The following THSD1 variants were observed in gnomAD, a reference collection of about 807,000 sequenced individuals.
The protein encoded by THSD1 is thrombospondin type 1 domain containing 1, also known as thrombospondin type-1 domain-containing protein 1.
A neutral mutation model predicts 46.3 loss-of-function variants in THSD1; 34 were observed. The ratio of observed to expected loss-of-function variants is 0.74; its 90% confidence interval spans 0.56 to 0.98. The LOEUF is 0.98. THSD1 is among the 50% of genes least tolerant of loss of function. The pLI is 0.00. For synonymous variants in THSD1, 407 were observed against 416.5 expected (o/e 0.98, Z 0.28); for missense variants, 1,023 against 1,058.3 (o/e 0.97, Z 0.46).
At position 52,397,516 on chromosome 13, in the gene THSD1, A is replaced by G. The variant is rs1305852323; in HGVS notation, c.737T>C (p.Met246Thr). ...LAQKFGYKLV[M>T]VPELTCESGV... is the part of the protein sequence containing the mutation. ...GGACTCACATGTGAGTTCTGGCACC[A>G]TCACCAGTTTGTATCCAAATTTCTG... Residue 246 changes from methionine (M) to threonine (T), a missense_variant, in exon 3 of 5, where the codon ATG (methionine) becomes ACG (threonine). By Grantham distance (81) the Met-to-Thr change is moderately conservative. Transcript: ENST00000258613. 4 of 1,614,022 alleles carry G rather than the reference A, an allele frequency of 2.5e-6. No homozygotes were observed. Among genetic ancestry groups the G allele is most frequent in the Non-Finnish European group, 3.4e-6 (4 of 1,180,040 alleles).
rs1957872908 is a variant in THSD1 at position 52,402,568 on chromosome 13, T to C, written c.33A>G (p.Leu11=). 1 of 1,613,944 alleles carries C rather than the reference T, an allele frequency of 6.2e-7. No homozygotes were observed. The highest frequency in any genetic ancestry group is 8.5e-7 in the Non-Finnish European group (1 of 1,179,888). MKPMLKDFSN[L]LLVVLCDYVL... ...CATAGTCACAGAGTACCACCAACAATAGATTTGAAAAGTCTTTCAACATTG... is the reference window on the plus strand; with the variant it reads ...CATAGTCACAGAGTACCACCAACAACAGATTTGAAAAGTCTTTCAACATTG... The change falls in exon 2 of 5, where the codon CTA becomes CTG. Residue 11 remains leucine (L), a synonymous_variant. Coordinates refer to ENST00000258613, the MANE Select transcript of THSD1 (RefSeq NM_018676.4).
chr13:52,378,602 G>A lies in THSD1; in HGVS notation c.1368C>T (p.Ser456=). The change falls in exon 5 of 5, where the codon TCC becomes TCT. Residue 456 remains serine, a synonymous_variant. Transcript: ENST00000258613. Reference sequence around the variant, plus strand: ...CGTCCGAGTTCTTCCGGAAGCTGGGGGAGTGGATGGAGTTGTGTCGAGCAG... The same window carrying A: ...CGTCCGAGTTCTTCCGGAAGCTGGGAGAGTGGATGGAGTTGTGTCGAGCAG... ...STPARHNSIH[S]PSFRKNSDEE... 1.2e-6 allele frequency: 2 copies of A among 1,614,164 alleles called. No homozygotes were observed. The highest frequency in any genetic ancestry group is 1.7e-6 in the Non-Finnish European group (2 of 1,180,036).
Position 52,397,768 on chromosome 13 carries a change from T to A in THSD1, c.485A>T (p.Lys162Met). Residue 162 changes from lysine to methionine, a missense_variant, in exon 3 of 5, where the codon AAG (lysine) becomes ATG (methionine). This residue lies in a region of THSD1 where 429 missense variants were observed against 518.3 expected (regional missense o/e 0.83). Coordinates refer to ENST00000258613, the MANE Select transcript of THSD1 (RefSeq NM_018676.4). The stretch of plus-strand genomic sequence containing the variant: ...GATGACATCCACTACGATGTTGGGC[T>A]TGTCCACAGGAAACGGGCACAGTGG... ...SQPLCPFPVD[K>M]PNIVVDVIFT... The A allele has an allele frequency of 6.2e-7, 1 of 1,614,262 alleles. No individual in the cohort carries two copies. Among genetic ancestry groups the A allele is most frequent in the Non-Finnish European group, 8.5e-7 (1 of 1,180,048 alleles).
At chr13:52,394,093 G>T (rs2137740255) in intron 3 of THSD1, among the ~76,000 whole-genome samples, 1 of 152,208 alleles carries the variant, frequency 6.6e-6, no homozygotes, top group Middle Eastern at 3.4e-3. Flanking sequence ...CTCCCGTTCT[G>T]CCCTTTTCCA....
chr13:52,384,360 C>A (rs946472614), intron 4 of THSD1: 9 of 455,748 alleles, frequency 2.0e-5, no homozygotes, highest in Non-Finnish European at 4.0e-5. Flanking sequence ...AATCCAGTGC[C>A]CCTACTTTCT....
chr13:52,379,006 G>T (rs1289576715), intron 4 of THSD1, among the ~76,000 whole-genome samples: 1 of 151,736 alleles, frequency 6.6e-6, no homozygotes, highest in Non-Finnish European at 1.5e-5. Context: ...GGGATTACAG[G>T]CATGCACCAC....
intron 3 of THSD1, 85 bp from the exon 4 acceptor site, chr13:52,386,271 A>G (rs1264654712): frequency 4.9e-6 from 7 of 1,430,702 alleles, no homozygotes; most frequent in Non-Finnish European, 6.7e-6. Flanking sequence ...GCAAAACTCA[A>G]ATCTCAGGTC....
chr13:52,400,688 G>A (rs1003052746), intron 2 of THSD1, among the ~76,000 whole-genome samples: 4 of 152,152 alleles, frequency 2.6e-5, no homozygotes, highest in Non-Finnish European at 4.4e-5. Context: ...GCTAAATTTT[G>A]ATCAGTATTA....
intron 3 of THSD1, among the ~76,000 whole-genome samples, chr13:52,390,154 A>AAC: frequency 6.6e-6 from 1 of 151,462 alleles, no homozygotes; most frequent in East Asian, 1.9e-4. Flanking sequence ...AAAAAAAAAA[A>AAC]GAATTATTTT....
At chr13:52,403,996 G>T (rs1452609209) in intron 1 of THSD1, among the ~76,000 whole-genome samples, 1 of 135,080 alleles carries the variant, frequency 7.4e-6, no homozygotes, top group East Asian at 2.1e-4. Context: ...CACCTAGCCT[G>T]GAGTGCAGTG....
chr13:52,377,545 A>C lies in THSD1; in HGVS notation c.2425T>G (p.Phe809Val). The C allele has an allele frequency of 6.2e-7, 1 of 1,601,330 alleles. No individual in the cohort carries two copies. The highest frequency in any genetic ancestry group is 2.2e-5 in the East Asian group (1 of 44,524). ...KCQSFPTHPE[F>V]AFYDNTSFGL... The stretch of plus-strand genomic sequence containing the variant: ...AACGACGTATTGTCATAGAAGGCAA[A>C]CTCAGGGTGAGTGGGGAAGCTTTGA... The change falls in exon 5 of 5, where the codon TTT becomes GTT. Residue 809 changes from phenylalanine to valine, a missense_variant. By Grantham distance (50) the Phe-to-Val change is conservative. Around this residue, in one of 3 missense-constraint regions of THSD1, gnomAD observed 578 missense variants for 497.4 expected, o/e 1.16. Coordinates refer to ENST00000258613, the MANE Select transcript of THSD1 (RefSeq NM_018676.4).
At position 52,402,739 on chromosome 13, in the gene THSD1, A is replaced by T. The variant is rs61958021; in HGVS notation, c.-81-58T>A. 4,830 of 1,428,156 alleles carry T rather than the reference A, an allele frequency of 3.4e-3. 14 individuals carry two copies. The highest frequency in any genetic ancestry group is 4.0e-3 in the Non-Finnish European group (4,358 of 1,089,896). The allele number at this position is 1,428,156 out of a possible 1,614,324, so 88.5% of individuals were successfully genotyped here. A position where few individuals can be genotyped will look rare whatever the true frequency, so the allele number is the denominator to read the frequency against. The stretch of plus-strand genomic sequence containing the variant: ...GTTCAATGTGATTGATAAAATAGTA[A>T]TCATTAAATGACAAAACCATTCTAA... On this transcript the variant is annotated intron_variant, in intron 1 of 4. Coordinates refer to ENST00000258613, the MANE Select transcript of THSD1 (RefSeq NM_018676.4).
intron 4 of THSD1, among the ~76,000 whole-genome samples, chr13:52,379,501 T>G (rs1298857377): frequency 6.6e-6 from 1 of 152,022 alleles, no homozygotes; most frequent in Non-Finnish European, 1.5e-5. Context: ...AGACGGAGTC[T>G]TGCTCTGTCG....
chr13:52,398,478 G>A (rs1488943673), intron 2 of THSD1: 5 of 908,808 alleles, frequency 5.5e-6, no homozygotes, highest in Non-Finnish European at 6.6e-6. Context: ...TTGGGCTCAA[G>A]CAATCCTTCC....
At chr13:52,400,741 A>C (rs1274323973) in intron 2 of THSD1, among the ~76,000 whole-genome samples, 2 of 152,218 alleles carry the variant, frequency 1.3e-5, no homozygotes, top group African/African-American at 4.8e-5. Context: ...GACAATACCT[A>C]CTTTTTTTAT....
At chr13:52,386,238 T>G (rs1207335395) in intron 3 of THSD1, 52 bp from the exon 4 acceptor site, 1 of 1,565,554 alleles carries the variant, frequency 6.4e-7, no homozygotes, top group South Asian at 1.2e-5. Context: ...AGAATCAGTA[T>G]TTAACTGCAC....
Position 52,397,421 on chromosome 13 carries a change from C to T in THSD1, c.832G>A (p.Ala278Thr). Residue 278 changes from alanine to threonine, a missense_variant, in exon 3 of 5, where the codon GCC becomes ACC. By Grantham distance (58) the Ala-to-Thr change is moderately conservative (BLOSUM62 0). Transcript: ENST00000258613. ...VQGVVTVFKEAPRYPGKRTIH... is the reference protein window; with the variant it reads ...VQGVVTVFKETPRYPGKRTIH... ...GTCCTCTTCCCAGGGTATCTGGGGG[C>T]CTCCTTGAAGACAGTGACCACTCCT... is the stretch of plus-strand genomic sequence containing the variant. 6.2e-7 allele frequency: 1 copy of T among 1,614,100 alleles called. No individual in the cohort carries two copies. Among genetic ancestry groups the T allele is most frequent in the South Asian group, 1.1e-5 (1 of 91,074 alleles).
At position 52,378,186 on chromosome 13, in the gene THSD1, G is replaced by T. The variant is rs1287434347; in HGVS notation, c.1784C>A (p.Pro595His). 3 of 1,614,200 alleles carry T rather than the reference G, an allele frequency of 1.9e-6. No homozygotes were observed. Among genetic ancestry groups the T allele is most frequent in the South Asian group, 2.2e-5 (2 of 91,084 alleles). The part of the protein sequence containing the change: ...FRIKSPFPEQ[P>H]AVSAGERPPS... ...AGGCCTTTCCCCGGCACTGACCGCGGGCTGCTCCGGAAATGGGGATTTGAT... is the reference window on the plus strand; with the variant it reads ...AGGCCTTTCCCCGGCACTGACCGCGTGCTGCTCCGGAAATGGGGATTTGAT... The change falls in exon 5 of 5, where the codon CCC becomes CAC. Residue 595 changes from proline to histidine, a missense_variant. Pro to His is a moderately conservative substitution (Grantham distance 77). Coordinates refer to ENST00000258613, the MANE Select transcript of THSD1 (RefSeq NM_018676.4).
At position 52,378,553 on chromosome 13, in the gene THSD1, C is replaced by T; in HGVS notation, c.1417G>A (p.Glu473Lys). 3 of 1,614,156 alleles carry T rather than the reference C, an allele frequency of 1.9e-6. No individual in the cohort carries two copies. Among genetic ancestry groups the T allele is most frequent in the African/African-American group, 1.3e-5 (1 of 75,042 alleles). The change falls in exon 5 of 5, where the codon GAG becomes AAG. Residue 473 changes from glutamate (E) to lysine (K), a missense_variant. Physicochemically the swap from Glu to Lys is moderately conservative, Grantham distance 56. Coordinates refer to ENST00000258613, the MANE Select transcript of THSD1 (RefSeq NM_018676.4). ...CCATCCGAGAAGCTCCCGCGCTGCT[C>T]GCTCAGCTCGCAGATATTCTCCTCG... ...SDEENICELSEQRGSFSDGGD... is the reference protein window; with the variant it reads ...SDEENICELSKQRGSFSDGGD...
Sources: allele counts gnomAD v4.1 joint callset (sites outside exome capture counted in the v4.1 genomes callset), GRCh38; gene constraint gnomAD v4.1.1; regional missense constraint gnomAD v4.1.1; transcripts MANE v1.5; gene names NCBI Gene and HGNC (gene_info 2026-07-23, HGNC 2026-07-21).